The following XPOT variants were observed in gnomAD, a reference collection of about 807,000 sequenced individuals.
The protein encoded by XPOT is exportin for tRNA.
Under a neutral mutation model 128.2 loss-of-function variants are expected in XPOT, and 34 were observed. That is an observed-to-expected ratio of 0.27 (90% confidence interval 0.20 to 0.35). The LOEUF (loss-of-function observed/expected upper bound fraction) is 0.35. Ranked by LOEUF, XPOT falls within the 10% of genes least tolerant of loss-of-function variation. The probability of loss-of-function intolerance (pLI) is 1.00; values close to 1 mark genes in which losing one functional copy is unlikely to be tolerated. For missense variants in XPOT, 838 were observed against 1,125.3 expected, an observed-to-expected ratio of 0.74 and a Z score of 3.65; for synonymous variants, 348 against 394.3, an observed-to-expected ratio of 0.88 and a Z score of 1.39.
intron 18 of XPOT, 113 bp downstream of exon 18, chr12:64,431,936 C>A (rs2040242484): frequency 2.9e-6 from 3 of 1,041,658 alleles, no homozygotes; most frequent in Admixed American, 4.9e-5. Flanking sequence ...TAATGAATTA[C>A]TTAAGAGCCT....
intron 6 of XPOT, among the ~76,000 whole-genome samples, chr12:64,419,689 C>T (rs940211519): frequency 5.3e-5 from 8 of 152,184 alleles, no homozygotes; most frequent in African/African-American, 1.9e-4. Flanking sequence ...GAAAGGTAGT[C>T]TCAATTTAAT....
At chr12:64,431,955 A>T (rs951154680) in intron 18 of XPOT, 132 bp downstream of exon 18, 12 of 895,226 alleles carry the variant, frequency 1.3e-5, no homozygotes, top group African/African-American at 5.1e-5. Flanking sequence ...CTCATGGATC[A>T]TATGTATTTT....
intron 23 of XPOT, among the ~76,000 whole-genome samples, chr12:64,444,222 TGTA>T (rs1230812017): frequency 6.6e-6 from 1 of 152,222 alleles, no homozygotes; most frequent in Non-Finnish European, 1.5e-5. Context: ...GCCGTAGCAA[TGTA>T]GTTTTTGTCC....
In XPOT at chr12:64,433,644, G is replaced by A. The variant is rs539154772; in HGVS notation, c.2452+41G>A. The A allele has an allele frequency of 7.8e-6, 12 of 1,533,562 alleles. 1 individual carries two copies. In the South Asian group the frequency reaches 8.8e-5, roughly 11 times the overall value. The allele number at this position is 1,533,562 out of a possible 1,614,324, so 95.0% of individuals were successfully genotyped here. ...ATATCTAATTTGTCTGCTTAAGTCT[G>A]TGTCACTGTTGTACATCTATATGAC... On this transcript the variant is annotated intron_variant, in intron 19 of 24. Transcript: ENST00000332707.
chr12:64,420,991 G>A (rs552020546), intron 8 of XPOT, among the ~76,000 whole-genome samples: 102 of 152,152 alleles, frequency 6.7e-4, no homozygotes, highest in Non-Finnish European at 1.0e-3. Context: ...TGGTAGAGAC[G>A]GGGTTTCACC....
chr12:64,419,552 GC>G (rs1011340405), intron 6 of XPOT, among the ~76,000 whole-genome samples: 2 of 152,116 alleles, frequency 1.3e-5, no homozygotes, highest in African/African-American at 4.8e-5. Context: ...CAGGTGATCC[GC>G]CCGCCTTGCC....
intron 18 of XPOT, among the ~76,000 whole-genome samples, chr12:64,432,250 C>CT (rs1565801643): frequency 3.4e-5 from 5 of 147,972 alleles, no homozygotes; most frequent in Admixed American, 2.0e-4. Flanking sequence ...TTCCTTTTTT[C>CT]TTTTTTTTTT....
chr12:64,434,746 A>G (rs745636661), intron 20 of XPOT, 48 bp from the exon 21 acceptor site: 9 of 1,583,972 alleles, frequency 5.7e-6, no homozygotes, highest in Non-Finnish European at 6.9e-6. Flanking sequence ...TGATGAATTA[A>G]TTGACTTACT....
At chr12:64,429,505 A>G (rs2040219740) in intron 16 of XPOT, among the ~76,000 whole-genome samples, 1 of 149,900 alleles carries the variant, frequency 6.7e-6, no homozygotes, top group Non-Finnish European at 1.5e-5. Flanking sequence ...GTGCAGTGGC[A>G]TGGTCTTGAC....
chr12:64,425,660 A>G, intron 14 of XPOT, 155 bp from the exon 15 acceptor site: 1 of 948,382 alleles, frequency 1.1e-6, no homozygotes. Flanking sequence ...TTCTCAAGGG[A>G]CTGTTTGTGT....
chr12:64,428,213 A>G, intron 16 of XPOT, 93 bp downstream of exon 16: 1 of 813,306 alleles, frequency 1.2e-6, no homozygotes, highest in Non-Finnish European at 1.9e-6. Flanking sequence ...AAAAAAAAAA[A>G]TTGGTGGTGG....
chr12:64,423,165 C>T lies in XPOT; in HGVS notation c.1120-17C>T, dbSNP rs749487669. On this transcript the variant is annotated splice_polypyrimidine_tract_variant and intron_variant, in intron 10 of 24. Transcript: ENST00000332707. ...GGAGACTGACAAAAACTCTTTTATTCTCAATTTTATTCTTAGGCAATCATG... is the reference window on the plus strand; with the variant it reads ...GGAGACTGACAAAAACTCTTTTATTTTCAATTTTATTCTTAGGCAATCATG... 1 of 1,599,636 alleles carries T rather than the reference C, an allele frequency of 6.3e-7. No homozygotes were observed. The highest frequency in any genetic ancestry group is 8.5e-7 in the Non-Finnish European group (1 of 1,174,542).
chr12:64,427,260 C>A (rs1481539047), intron 15 of XPOT, among the ~76,000 whole-genome samples: 1 of 151,432 alleles, frequency 6.6e-6, no homozygotes, highest in Non-Finnish European at 1.5e-5. Context: ...GCCAGGATTA[C>A]AGGTGTCCAT....
At chr12:64,436,535 A>G (rs1246097730) in intron 22 of XPOT, among the ~76,000 whole-genome samples, 2 of 152,140 alleles carry the variant, frequency 1.3e-5, no homozygotes, top group South Asian at 4.1e-4. Flanking sequence ...TGCTGAGATA[A>G]TAGGCGTGAG....
chr12:64,439,185 C>T, intron 22 of XPOT, 59 bp from the exon 23 acceptor site: 1 of 1,505,194 alleles, frequency 6.6e-7, no homozygotes, highest in Non-Finnish European at 9.2e-7. Flanking sequence ...TGTTCCGATT[C>T]TTTTTAAGCT....
chr12:64,410,702 A>G (rs2040030157), intron 2 of XPOT, among the ~76,000 whole-genome samples: 1 of 152,228 alleles, frequency 6.6e-6, no homozygotes, highest in South Asian at 2.1e-4. Context: ...GTCTTAAGTA[A>G]AATGGTTACA....
intron 9 of XPOT, among the ~76,000 whole-genome samples, chr12:64,422,669 C>G (rs1269483717): frequency 6.6e-6 from 1 of 151,972 alleles, no homozygotes; most frequent in East Asian, 1.9e-4. Flanking sequence ...AAGGCTGAGG[C>G]GGGAGGATTG....
At chr12:64,422,127 A>C (rs2040144342) in intron 9 of XPOT, among the ~76,000 whole-genome samples, 1 of 152,154 alleles carries the variant, frequency 6.6e-6, no homozygotes, top group East Asian at 1.9e-4. Flanking sequence ...TTTACAATTA[A>C]AGTTTCCCCC....
intron 13 of XPOT, 24 bp downstream of exon 13, chr12:64,425,206 G>T: frequency 1.2e-6 from 2 of 1,613,042 alleles, no homozygotes; most frequent in South Asian, 2.2e-5. Context: ...AGATAATTTT[G>T]ACCATAAATT....
Sources: gnomAD v4.1 joint callset for allele counts (sites outside exome capture counted in the v4.1 genomes callset) on GRCh38, gnomAD v4.1.1 for gene constraint, MANE v1.5 for transcripts, NCBI Gene and HGNC (gene_info 2026-07-23, HGNC 2026-07-21) for gene names.